PCDHGA12: variants seen among roughly 807,000 people sequenced by gnomAD.
PCDHGA12 encodes the protein protocadherin gamma-A12.
In PCDHGA12, 43 loss-of-function variants were observed where a neutral mutation model predicts 61.1. The observed-to-expected ratio is 0.70, with a 90% CI of 0.55 to 0.91. The LOEUF is 0.91. Among genes scored for constraint, PCDHGA12 ranks in the 40% least tolerant of loss-of-function variants. PCDHGA12 has a pLI of 0.00. For synonymous variants in PCDHGA12, 520 were observed against 542.9 expected (o/e 0.96, Z 0.59); for missense variants, 1,236 against 1,227.7 (o/e 1.01, Z -0.10).
chr5:141,480,827 A>G (rs1455065731), intron 1 of PCDHGA12, among the ~76,000 whole-genome samples: 2 of 152,212 alleles, frequency 1.3e-5, no homozygotes, highest in Admixed American at 6.5e-5. Context: ...TGGGTGGATC[A>G]TAAGATCAGG....
At position 141,477,415 on chromosome 5, in the gene PCDHGA12, A is replaced by T. The variant is rs771293212; in HGVS notation, c.2425-17392A>T. On this transcript the variant is annotated intron_variant, in intron 1 of 3. Coordinates refer to ENST00000252085, the MANE Select transcript of PCDHGA12 (RefSeq NM_003735.3). This position sits in a 1 kb window ranked among gnomAD's most constrained non-coding sequence, Gnocchi z 4.9. ...TCAGCATCACCGCCCGAGACGCCGG[A>T]ACCCCTTCCCTCTCAGCCCTTACAA... 12 of 1,614,162 alleles carry T rather than the reference A, an allele frequency of 7.4e-6. No individual in the cohort carries two copies. The highest frequency in any genetic ancestry group is 1.0e-5 in the Non-Finnish European group (12 of 1,180,020).
Position 141,511,376 on chromosome 5 carries a change from G to C in PCDHGA12, c.*203G>C. ...CCAGGGGGTTGAATATGCAAAAGCA[G>C]TTCCGCTGGGAACCCCCATCCAATC... On this transcript the variant is annotated 3_prime_UTR_variant, in exon 4 of 4. Coordinates refer to ENST00000252085, the MANE Select transcript of PCDHGA12 (RefSeq NM_003735.3). 1 of 1,211,520 alleles carries C rather than the reference G, an allele frequency of 8.3e-7. No homozygotes were observed. The allele number at this position is 1,211,520 out of a possible 1,614,324, so 75.0% of individuals were successfully genotyped here.
At position 141,480,148 on chromosome 5, in the gene PCDHGA12, G is replaced by C. The variant is rs139861128; in HGVS notation, c.2425-14659G>C. On this transcript the variant is annotated intron_variant, in intron 1 of 3. Transcript: ENST00000252085. ...ATAACTGTTAAACAATTATTAGCCA[G>C]CTCCTAGCATTTTGGGAGGCTGAGG... 9.2e-4 allele frequency among the ~76,000 whole-genome samples: 140 copies of C among 152,036 alleles called. 1 individual carries two copies. The highest frequency in any genetic ancestry group is 3.1e-3 in the African/African-American group (127 of 41,470).
intron 1 of PCDHGA12, among the ~76,000 whole-genome samples, chr5:141,463,224 G>C (rs1039535501): frequency 6.6e-6 from 1 of 151,958 alleles, no homozygotes; most frequent in Non-Finnish European, 1.5e-5. Context: ...AATATTCCTG[G>C]AGTTCTTTGT....
chr5:141,462,471 C>T (rs1464947091), intron 1 of PCDHGA12, among the ~76,000 whole-genome samples: 1 of 152,020 alleles, frequency 6.6e-6, no homozygotes, highest in East Asian at 1.9e-4. Context: ...GTGTATTCTG[C>T]TTCTCGTGGT....
intron 1 of PCDHGA12, among the ~76,000 whole-genome samples, chr5:141,488,969 CCAAT>C (rs1303368467): frequency 4.6e-5 from 7 of 152,106 alleles, no homozygotes; most frequent in Non-Finnish European, 7.4e-5. Context: ...GACTTTTTGG[CCAAT>C]CAGACTCAGA....
chr5:141,438,386 T>C (rs757664430), intron 1 of PCDHGA12, among the ~76,000 whole-genome samples: 1 of 151,778 alleles, frequency 6.6e-6, no homozygotes, highest in Admixed American at 6.6e-5. Flanking sequence ...AATTTCTTAG[T>C]TCATCATTAA....
Position 141,477,653 on chromosome 5 carries a change from A to C in PCDHGA12, c.2425-17154A>C. ...GCTAGTGGGTCGCTATTTCACAATA[A>C]ATCGTGACAATGGCATAGTGTCATC... On this transcript the variant is annotated intron_variant, in intron 1 of 3. Transcript: ENST00000252085. The surrounding 1 kb of genome is among the most constrained non-coding windows in gnomAD (Gnocchi z 4.9). The C allele has an allele frequency of 1.2e-6, 2 of 1,614,204 alleles. No individual in the cohort carries two copies. Among genetic ancestry groups the C allele is most frequent in the Non-Finnish European group, 1.7e-6 (2 of 1,180,036 alleles).
chr5:141,432,073 C>T lies in PCDHGA12; in HGVS notation c.1314C>T (p.Ile438=), dbSNP rs1276949951. Residue 438 remains isoleucine, a synonymous_variant, in exon 1 of 4, where the codon ATC becomes ATT. Transcript: ENST00000252085. This position sits in a 1 kb window ranked among gnomAD's most constrained non-coding sequence, Gnocchi z 6.0. ...CGCCCCTATCCACGGAAACTCATAT[C>T]TCGCTGAACGTGGCAGACACCAACG... is the stretch of plus-strand genomic sequence containing the variant. ...GTPPLSTETH[I]SLNVADTNDN... 3.1e-6 allele frequency: 5 copies of T among 1,614,208 alleles called. No homozygotes were observed. Among genetic ancestry groups the T allele is most frequent in the Non-Finnish European group, 4.2e-6 (5 of 1,180,040 alleles).
chr5:141,462,682 G>T (rs560423384), intron 1 of PCDHGA12, among the ~76,000 whole-genome samples: 2 of 151,790 alleles, frequency 1.3e-5, no homozygotes, highest in Non-Finnish European at 2.9e-5. Context: ...TTAAATTTTT[G>T]AGCACATTTA....
chr5:141,485,003 A>G lies in PCDHGA12; in HGVS notation c.2425-9804A>G. On this transcript the variant is annotated intron_variant, in intron 1 of 3. Coordinates refer to ENST00000252085, the MANE Select transcript of PCDHGA12 (RefSeq NM_003735.3). The surrounding 1 kb of genome is among the most constrained non-coding windows in gnomAD (Gnocchi z 5.7). ...CAATCGGGTGGTGAAAGGCAGACAA[A>G]TCTACCCCGCCACCAGCAAAAACGG... 1 of 620,758 alleles carries G rather than the reference A, an allele frequency of 1.6e-6. No homozygotes were observed. The highest frequency in any genetic ancestry group is 2.0e-5 in the South Asian group (1 of 50,492). The allele number at this position is 620,758 out of a possible 1,614,324, so 38.5% of individuals were successfully genotyped here.
chr5:141,478,589 T>C, intron 1 of PCDHGA12: 2 of 1,573,336 alleles, frequency 1.3e-6, no homozygotes, highest in Non-Finnish European at 1.7e-6. Context: ...AGTGCTTTTT[T>C]ATTCCTACAT....
rs1040028231 is a variant in PCDHGA12, at chr5:141,485,542, C to T, written c.2425-9265C>T. 6.8e-6 allele frequency: 11 copies of T among 1,613,900 alleles called. No individual in the cohort carries two copies. Among genetic ancestry groups the T allele is most frequent in the Admixed American group, 6.7e-5 (4 of 59,996 alleles). On this transcript the variant is annotated intron_variant, in intron 1 of 3. Coordinates refer to ENST00000252085, the MANE Select transcript of PCDHGA12 (RefSeq NM_003735.3). The surrounding 1 kb of genome is among the most constrained non-coding windows in gnomAD (Gnocchi z 5.7). ...AAATGTACCGAGCAGAGGTAGAGAT[C>T]GTAGATGTGAATGATCACGCCCCCC...
At chr5:141,458,064 C>T (rs886724551) in intron 1 of PCDHGA12, among the ~76,000 whole-genome samples, 14 of 152,104 alleles carry the variant, frequency 9.2e-5, no homozygotes, top group East Asian at 3.9e-4. Context: ...TGCACTGATG[C>T]GAACAACTAT....
chr5:141,510,435 C>T (rs938448523), intron 3 of PCDHGA12, among the ~76,000 whole-genome samples: 2 of 152,108 alleles, frequency 1.3e-5, no homozygotes, highest in Non-Finnish European at 2.9e-5. Context: ...ATGGCTGCTG[C>T]CCTCCAGGAG....
At position 141,431,123 on chromosome 5, in the gene PCDHGA12, GAAGT is replaced by G. The variant is rs751548736; in HGVS notation, c.368_371del (p.Val123GlyfsTer15). The G allele has an allele frequency of 1.2e-6, 2 of 1,614,100 alleles. No individual in the cohort carries two copies. The highest frequency in any genetic ancestry group is 3.3e-5 in the Admixed American group (2 of 60,014). On this transcript the variant is annotated frameshift_variant, in exon 1 of 4. Transcript: ENST00000252085. LOFTEE classifies it high-confidence loss of function. This position sits in a 1 kb window ranked among gnomAD's most constrained non-coding sequence, Gnocchi z 4.8. ...AGTGAAAATATATGGAGTAGAAGTA[GAAGT>G]AAGGGACATTAACGACAATGCGCCT... is the stretch of plus-strand genomic sequence containing the variant.
chr5:141,505,259 C>A, intron 2 of PCDHGA12, 134 bp from the exon 3 acceptor site: 1 of 1,500,262 alleles, frequency 6.7e-7, no homozygotes, highest in Non-Finnish European at 8.9e-7. Context: ...GTGCCTCCTA[C>A]CTTGCTGAGA....
intron 1 of PCDHGA12, among the ~76,000 whole-genome samples, chr5:141,460,418 G>C (rs905215023): frequency 3.3e-5 from 5 of 152,096 alleles, no homozygotes; most frequent in Admixed American, 6.5e-5. Flanking sequence ...TGATGTTTAT[G>C]TATGGTGTAT....
rs1047637676 is a variant in PCDHGA12, at chr5:141,449,606, A to G, written c.2424+16423A>G. The stretch of plus-strand genomic sequence containing the variant: ...TCTGTCTCAAAAAAAAAAAAAAAAA[A>G]AGTAAAAAAGTTTTTTAAAAAGATG... On this transcript the variant is annotated intron_variant, in intron 1 of 3. Transcript: ENST00000252085. 3.9e-3 allele frequency among the ~76,000 whole-genome samples: 591 copies of G among 150,802 alleles called. 2 individuals carry two copies. The highest frequency in any genetic ancestry group is 0.01 in the Middle Eastern group (3 of 290).
Sources: allele counts gnomAD v4.1 joint callset (sites outside exome capture counted in the v4.1 genomes callset), GRCh38; gene constraint gnomAD v4.1.1; non-coding constraint Gnocchi (gnomAD v3.1); transcripts MANE v1.5; gene names NCBI Gene and HGNC (gene_info 2026-07-23, HGNC 2026-07-21).